Variants in MAST4 observed in about 807,000 individuals in gnomAD.
The protein encoded by MAST4 is microtubule associated serine/threonine kinase family member 4, also known as microtubule-associated serine/threonine-protein kinase 4.
In MAST4, 89 loss-of-function variants were observed where a neutral mutation model predicts 162.7. The observed-to-expected ratio is 0.55, with a 90% CI of 0.46 to 0.65. The LOEUF is 0.65. Ranked by LOEUF, MAST4 falls within the 30% of genes least tolerant of loss-of-function variation. MAST4 has a pLI of 0.00. For synonymous variants in MAST4, 1,479 were observed against 1,361.1 expected, an observed-to-expected ratio of 1.09 and a Z score of -1.91; for missense variants, 3,153 against 3,374.0, an observed-to-expected ratio of 0.93 and a Z score of 1.62.
intron 4 of MAST4, among the ~76,000 whole-genome samples, chr5:66,968,694 G>T (rs1010797208): frequency 6.6e-6 from 1 of 152,168 alleles, no homozygotes. Context: ...TATATAGAAG[G>T]TATGTTTTGA....
At chr5:66,993,931 C>CCA (rs1554078107) in intron 4 of MAST4, among the ~76,000 whole-genome samples, 44 of 108,774 alleles carry the variant, frequency 4.0e-4, no homozygotes, top group Non-Finnish European at 4.9e-4. Context: ...CCCCCCCCCC[C>CCA]ACCCCACCAA....
intron 4 of MAST4, chr5:67,004,504 G>C (rs1382065040): frequency 2.6e-5 from 4 of 153,602 alleles, no homozygotes; most frequent in Non-Finnish European, 5.8e-5. Context: ...AAGGAAACTC[G>C]GCACTGGGCA....
At chr5:66,925,890 A>G (rs930018571) in intron 4 of MAST4, among the ~76,000 whole-genome samples, 1 of 152,166 alleles carries the variant, frequency 6.6e-6, no homozygotes, top group Non-Finnish European at 1.5e-5. Context: ...CTATGTTCCT[A>G]ATATAATGGT....
At chr5:67,158,859 AC>A (rs1418617611) in intron 26 of MAST4, among the ~76,000 whole-genome samples, 3 of 152,040 alleles carry the variant, frequency 2.0e-5, no homozygotes, top group Non-Finnish European at 2.9e-5. Flanking sequence ...ACATGGAGAA[AC>A]CCTATCTTTA....
chr5:66,724,660 A>G (rs1371500590), intron 1 of MAST4, among the ~76,000 whole-genome samples: 1 of 152,158 alleles, frequency 6.6e-6, no homozygotes, highest in Non-Finnish European at 1.5e-5. Flanking sequence ...GCCTATTGCT[A>G]CTGGGCTACA....
intron 3 of MAST4, among the ~76,000 whole-genome samples, chr5:66,819,926 A>G (rs1756913113): frequency 6.6e-6 from 1 of 151,216 alleles, no homozygotes; most frequent in Non-Finnish European, 1.5e-5. Flanking sequence ...GGCACACAGC[A>G]CCATACCCAG....
chr5:66,625,841 G>A (rs1367987933), intron 1 of MAST4, among the ~76,000 whole-genome samples: 1 of 152,154 alleles, frequency 6.6e-6, no homozygotes, highest in East Asian at 1.9e-4. Flanking sequence ...TTGCACTCAT[G>A]TTCTTAGCAT....
At chr5:66,636,988 A>G (rs1745162840) in intron 1 of MAST4, among the ~76,000 whole-genome samples, 1 of 152,258 alleles carries the variant, frequency 6.6e-6, no homozygotes, top group South Asian at 2.1e-4. Context: ...AATCATTTGT[A>G]TATACCAATG....
intron 3 of MAST4, among the ~76,000 whole-genome samples, chr5:66,868,631 A>G (rs1760710465): frequency 6.6e-6 from 1 of 151,880 alleles, no homozygotes; most frequent in East Asian, 1.9e-4. Flanking sequence ...TATGCAATTT[A>G]TTAAATGACT....
In MAST4 at chr5:67,133,662, A is replaced by G. The variant is rs1189346867; in HGVS notation, c.2226+16A>G. 3 of 1,611,780 alleles carry G rather than the reference A, an allele frequency of 1.9e-6. No homozygotes were observed. Among genetic ancestry groups the G allele is most frequent in the African/African-American group, 1.3e-5 (1 of 74,854 alleles). On this transcript the variant is annotated intron_variant, in intron 17 of 28. Coordinates refer to ENST00000403625, the MANE Select transcript of MAST4 (RefSeq NM_001164664.2). ...GGATAAACAGGTAAGCTTGGGTGCC[A>G]TTTAGTTTATTGAGAAATACAAAGT... is the stretch of plus-strand genomic sequence containing the variant.
chr5:66,991,436 G>GA (rs1561510095), intron 4 of MAST4, among the ~76,000 whole-genome samples: 1 of 152,150 alleles, frequency 6.6e-6, no homozygotes, highest in African/African-American at 2.4e-5. Flanking sequence ...AAGCACATAC[G>GA]AAATAGCCTT....
intron 1 of MAST4, among the ~76,000 whole-genome samples, chr5:66,747,097 GGTGTGTGTGTGTGTGTGTGTGT>G (rs138318051): frequency 4.8e-5 from 7 of 145,990 alleles, no homozygotes; most frequent in Non-Finnish European, 7.5e-5. Flanking sequence ...GCATGCGCAT[GGTGTGTGTGTGTGTGTGTGTGT>G]GTGTGTGTGT....
intron 1 of MAST4, among the ~76,000 whole-genome samples, chr5:66,663,794 A>G (rs1219190510): frequency 2.6e-5 from 4 of 152,320 alleles, no homozygotes; most frequent in Non-Finnish European, 5.9e-5. Context: ...GAAGGTTTTG[A>G]GCAAAGGAAT....
At chr5:66,769,103 A>G (rs1053781055) in intron 2 of MAST4, among the ~76,000 whole-genome samples, 16 of 152,202 alleles carry the variant, frequency 1.1e-4, no homozygotes, top group African/African-American at 3.9e-4. Flanking sequence ...GTCTGAGATC[A>G]TGAATTGAAA....
intron 1 of MAST4, among the ~76,000 whole-genome samples, chr5:66,685,099 A>C (rs980393729): frequency 6.6e-6 from 1 of 152,012 alleles, no homozygotes; most frequent in Non-Finnish European, 1.5e-5. Flanking sequence ...CTGTCTCTAC[A>C]TAAAATACAA....
Position 67,165,784 on chromosome 5 carries a change from C to G in MAST4, c.6605C>G (p.Pro2202Arg). The G allele has an allele frequency of 6.2e-7, 1 of 1,607,150 alleles. No homozygotes were observed. The highest frequency in any genetic ancestry group is 8.5e-7 in the Non-Finnish European group (1 of 1,177,152). Residue 2202 changes from proline to arginine, a missense_variant, in exon 29 of 29, where the codon CCT becomes CGT. Pro to Arg is a moderately radical substitution (Grantham distance 103, BLOSUM62 -2). Coordinates refer to ENST00000403625, the MANE Select transcript of MAST4 (RefSeq NM_001164664.2). ...HKPRPGPDPG[P>R]PKTKHPDRSL... ...CCCCGGCCTGGCCCTGACCCGGGCC[C>G]TCCAAAGACTAAGCACCCCGACCGG...
chr5:66,754,196 T>C (rs541916792), intron 1 of MAST4, among the ~76,000 whole-genome samples: 79 of 149,384 alleles, frequency 5.3e-4, no homozygotes, highest in South Asian at 3.0e-3. Context: ...GCCAATATCA[T>C]ACTGAATGGG....
At chr5:67,069,305 TATATATAA>T (rs999168781) in intron 5 of MAST4, among the ~76,000 whole-genome samples, 21 of 143,966 alleles carry the variant, frequency 1.5e-4, no homozygotes, top group Admixed American at 4.8e-4. Flanking sequence ...TATATATATA[TATATATAA>T]AATTTTAAAA....
chr5:66,717,228 G>A (rs1348864564), intron 1 of MAST4, among the ~76,000 whole-genome samples: 1 of 152,146 alleles, frequency 6.6e-6, no homozygotes, highest in East Asian at 1.9e-4. Context: ...GTGGAGAGGA[G>A]GGATTCATTC....
Sources: allele counts gnomAD v4.1 joint callset (sites outside exome capture counted in the v4.1 genomes callset), GRCh38; gene constraint gnomAD v4.1.1; transcripts MANE v1.5; gene names NCBI Gene and HGNC (gene_info 2026-07-23, HGNC 2026-07-21).